Variants in C5 observed in about 807,000 individuals in gnomAD.
The protein encoded by C5 is complement C5.
In C5, 140 loss-of-function variants were observed where a neutral mutation model predicts 218.8. That is an observed-to-expected ratio of 0.64 (90% CI 0.56 to 0.74). The LOEUF (loss-of-function observed/expected upper bound fraction) is 0.74, where lower values mean the gene tolerates loss of function less well. Ranked by LOEUF, C5 falls within the 30% of genes least tolerant of loss-of-function variation. The pLI is 0.00. For synonymous variants in C5, 614 were observed against 682.3 expected, an observed-to-expected ratio of 0.90 and a Z score of 1.56; for missense variants, 1,700 against 1,969.6, an observed-to-expected ratio of 0.86 and a Z score of 2.59.
At chr9:120,979,959 G>T (rs2131695057) in intron 28 of C5, 124 bp downstream of exon 28, 3 of 791,602 alleles carry the variant, frequency 3.8e-6, no homozygotes, top group East Asian at 5.1e-5. Flanking sequence ...TATTGTGACG[G>T]TTTGTTCCTT....
chr9:120,980,714 C>T (rs1023615556), intron 27 of C5, among the ~76,000 whole-genome samples: 1 of 152,112 alleles, frequency 6.6e-6, no homozygotes, highest in African/African-American at 2.4e-5. Flanking sequence ...CCTCAGCCTC[C>T]GGAGTAGCTG....
Position 121,043,064 on chromosome 9 carries a change from A to G in C5, c.361T>C (p.Tyr121His). The change falls in exon 3 of 41, where the codon TAT (tyrosine) becomes CAT (histidine). Residue 121 changes from tyrosine (Y) to histidine (H), a missense_variant. Coordinates refer to ENST00000223642, the MANE Select transcript of C5 (RefSeq NM_001735.3). Reference protein sequence around the residue: ...FSKSKRMPITYDNGFLFIHTD... With the variant: ...FSKSKRMPITHDNGFLFIHTD... ...TGAATGAAGAGAAATCCATTGTCATAGGTTATTGGCATTCTTTTTGATTTT... is the reference window on the plus strand; with the variant it reads ...TGAATGAAGAGAAATCCATTGTCATGGGTTATTGGCATTCTTTTTGATTTT... 6.2e-7 allele frequency: 1 copy of G among 1,612,860 alleles called. No individual in the cohort carries two copies. Among genetic ancestry groups the G allele is most frequent in the Non-Finnish European group, 8.5e-7 (1 of 1,179,026 alleles).
rs572345213 is a variant in C5 at position 121,002,316 on chromosome 9, G to GTGTGTGTGTGTGTGTATA, written c.2562+3602_2562+3603insTATACACACACACACACA. Among the ~76,000 whole-genome samples the GTGTGTGTGTGTGTGTATA allele has an allele frequency of 1.2e-3, 103 of 87,390 alleles. 2 individuals carry two copies. The highest frequency in any genetic ancestry group is 1.8e-3 in the Non-Finnish European group (82 of 45,314). 57.3% of individuals were successfully genotyped at this position (87,390 alleles called of 152,430 possible). ...TATATATGTATATATATATGTGTGT[G>GTGTGTGTGTGTGTGTATA]TATATATATATATATATATATATAT... On this transcript the variant is annotated intron_variant, in intron 20 of 40. Coordinates refer to ENST00000223642, the MANE Select transcript of C5 (RefSeq NM_001735.3).
rs771775712 is a variant in C5, at chr9:121,027,207, T to G, written c.826A>C (p.Lys276Gln). 10 of 1,603,794 alleles carry G rather than the reference T, an allele frequency of 6.2e-6. No homozygotes were observed. The highest frequency in any genetic ancestry group is 5.0e-5 in the Admixed American group (3 of 59,690). ...YITFGIREDL[K>Q]DDQKEMMQTA... is the part of the protein sequence containing the mutation. ...TGCATCATTTCTTTTTGATCATCTT[T>G]TAAGTCTTCTCTTATTCCAAATGTG... is the stretch of plus-strand genomic sequence containing the variant. The change falls in exon 8 of 41, where the codon AAA becomes CAA. Residue 276 changes from lysine (K) to glutamine (Q), a missense_variant. By Grantham distance (53) the Lys-to-Gln change is moderately conservative (BLOSUM62 1). Coordinates refer to ENST00000223642, the MANE Select transcript of C5 (RefSeq NM_001735.3).
At chr9:121,040,373 C>T (rs569690241) in intron 3 of C5, among the ~76,000 whole-genome samples, 19 of 152,224 alleles carry the variant, frequency 1.2e-4, no homozygotes, top group Admixed American at 9.8e-4. Context: ...AGGCAGGACA[C>T]AGGCTTTATG....
At chr9:121,027,087 T>C (rs1042122452) in intron 8 of C5, 73 bp downstream of exon 8, 7 of 835,312 alleles carry the variant, frequency 8.4e-6, no homozygotes, top group Non-Finnish European at 1.4e-5. Context: ...GACTAGATGG[T>C]TTTTAAGTAA....
In C5 at chr9:121,002,308, A is replaced by ATG. The variant is rs71370613; in HGVS notation, c.2562+3609_2562+3610dup. On this transcript the variant is annotated intron_variant, in intron 20 of 40. Coordinates refer to ENST00000223642, the MANE Select transcript of C5 (RefSeq NM_001735.3). The stretch of plus-strand genomic sequence containing the variant: ...TATATATGTATATATGTATATATAT[A>ATG]TGTGTGTGTATATATATATATATAT... Among the ~76,000 whole-genome samples the ATG allele has an allele frequency of 3.2e-3, 213 of 66,938 alleles. 3 individuals are homozygous for ATG. The highest frequency in any genetic ancestry group is 0.012 in the South Asian group (14 of 1,192). The allele number at this position is 66,938 out of a possible 152,430, so 43.9% of individuals were successfully genotyped here. A position where few individuals can be genotyped will look rare whatever the true frequency, so the allele number is the denominator to read the frequency against.
the C5 span, among the ~76,000 whole-genome samples, chr9:121,059,926 G>A: frequency 6.6e-6 from 1 of 152,184 alleles, no homozygotes; most frequent in African/African-American, 2.4e-5. The surrounding 1 kb of genome is among the most constrained non-coding windows in gnomAD (Gnocchi z 4.1). Context: ...AACCTCATAA[G>A]AGAACCTAAC....
chr9:121,002,341 T>C (rs868630439), intron 20 of C5, among the ~76,000 whole-genome samples: 3,062 of 72,636 alleles, frequency 0.042, 188 homozygotes, highest in Non-Finnish European at 0.054. Context: ...TATATATATA[T>C]ACACACATAC....
chr9:121,006,335 G>A (rs1217580359), intron 19 of C5, among the ~76,000 whole-genome samples: 1 of 152,132 alleles, frequency 6.6e-6, no homozygotes, highest in Non-Finnish European at 1.5e-5. Context: ...AATCTTTTTA[G>A]ATATTCATTA....
the C5 span, among the ~76,000 whole-genome samples, chr9:121,071,329 A>G: frequency 6.6e-6 from 1 of 152,090 alleles, no homozygotes; most frequent in Non-Finnish European, 1.5e-5. Context: ...CAAAAAAACA[A>G]AAACAAGAAC....
intron 3 of C5, among the ~76,000 whole-genome samples, chr9:121,038,831 G>A (rs545664891): frequency 1.3e-4 from 20 of 152,146 alleles, no homozygotes; most frequent in Non-Finnish European, 2.4e-4. Flanking sequence ...GTTTTACTAA[G>A]TTCACAAGAT....
At chr9:120,978,792 A>G (rs1192086929) in intron 28 of C5, among the ~76,000 whole-genome samples, 1 of 152,200 alleles carries the variant, frequency 6.6e-6, no homozygotes, top group African/African-American at 2.4e-5. Flanking sequence ...CTGGTAAAAT[A>G]TAAGCCAGGT....
At chr9:120,998,257 C>G (rs993362144) in intron 20 of C5, among the ~76,000 whole-genome samples, 1 of 152,118 alleles carries the variant, frequency 6.6e-6, no homozygotes, top group African/African-American at 2.4e-5. Context: ...CACAAGTTGC[C>G]GTAGAGTTTA....
chr9:120,982,715 A>T lies in C5; in HGVS notation c.3330T>A (p.Asn1110Lys), dbSNP rs761032828. 6.2e-7 allele frequency: 1 copy of T among 1,606,548 alleles called. No homozygotes were observed. The change falls in exon 26 of 41, where the codon AAT (asparagine) becomes AAA (lysine). Residue 1110 changes from asparagine to lysine, a missense_variant. Physicochemically the swap from Asn to Lys is moderately conservative, Grantham distance 94. Coordinates refer to ENST00000223642, the MANE Select transcript of C5 (RefSeq NM_001735.3). ...TGAAAGATCCATTATCTAATTGATA[A>T]TTCTCAACTAGCCACAATAAAGAAT... ...ICNSLLWLVENYQLDNGSFKE... is the reference protein window; with the variant it reads ...ICNSLLWLVEKYQLDNGSFKE...
At chr9:120,954,547 T>C (rs2131659714) in intron 39 of C5, among the ~76,000 whole-genome samples, 1 of 152,340 alleles carries the variant, frequency 6.6e-6, no homozygotes, top group East Asian at 1.9e-4. Flanking sequence ...GTTTTAAATA[T>C]CTTTCTGTCT....
At chr9:120,954,360 G>A (rs2046769673) in intron 39 of C5, among the ~76,000 whole-genome samples, 1 of 152,204 alleles carries the variant, frequency 6.6e-6, no homozygotes, top group African/African-American at 2.4e-5. Flanking sequence ...AGTACAAAAT[G>A]TGAAAGACTT....
chr9:120,962,800 A>G, intron 35 of C5, 24 bp from the exon 36 acceptor site: 1 of 1,605,326 alleles, frequency 6.2e-7, no homozygotes, highest in Non-Finnish European at 8.5e-7. Context: ...TCAAGGATTT[A>G]AGGAAATTAT....
intron 3 of C5, 49 bp downstream of exon 3, chr9:121,042,955 C>T (rs977901897): frequency 2.7e-6 from 4 of 1,473,828 alleles, no homozygotes; most frequent in Non-Finnish European, 3.8e-6. Flanking sequence ...AATATAGTGT[C>T]AATACTGTCA....
Sources: gnomAD v4.1 joint callset for allele counts (sites outside exome capture counted in the v4.1 genomes callset) on GRCh38, gnomAD v4.1.1 for gene constraint, Gnocchi (gnomAD v3.1) non-coding constraint, MANE v1.5 for transcripts, NCBI Gene and HGNC (gene_info 2026-07-23, HGNC 2026-07-21) for gene names.